The following FHDC1 variants were observed in gnomAD, a reference collection of about 807,000 sequenced individuals.
The protein encoded by FHDC1 is FH2 domain containing 1, also known as FH2 domain-containing protein 1.
Under a neutral mutation model 52.6 loss-of-function variants are expected in FHDC1, and 25 were observed. That is an observed-to-expected ratio of 0.48 (90% confidence interval 0.35 to 0.66). The LOEUF is 0.66. Among genes scored for constraint, FHDC1 ranks in the 30% least tolerant of loss-of-function variants. The pLI is 0.01. For missense variants in FHDC1, 1,459 were observed against 1,452.8 expected, an observed-to-expected ratio of 1.00 and a Z score of -0.07; for synonymous variants, 616 against 581.5, an observed-to-expected ratio of 1.06 and a Z score of -0.85.
At chr4:152,919,076 A>T in the FHDC1 span, among the ~76,000 whole-genome samples, 1 of 152,200 alleles carries the variant, frequency 6.6e-6, no homozygotes, top group Non-Finnish European at 1.5e-5. Flanking sequence ...CGTAAAGGTC[A>T]CTCAATGTTT....
the FHDC1 span, chr4:152,911,800 C>G: frequency 2.0e-5 from 3 of 152,528 alleles, no homozygotes; most frequent in South Asian, 4.2e-4. Flanking sequence ...ACTCAGAGAG[C>G]CTTATTTTAT....
At chr4:152,938,339 AACGCGTTGTCCTGGGT>A (rs1739464950) in intron 1 of FHDC1, among the ~76,000 whole-genome samples, 2 of 151,950 alleles carry the variant, frequency 1.3e-5, no homozygotes, top group African/African-American at 4.8e-5. Flanking sequence ...GCTTACTGGG[AACGCGTTGTCCTGGGT>A]TCTTTCACTA....
chr4:152,934,109 T>C (rs1028618921), upstream of FHDC1, among the ~76,000 whole-genome samples: 11 of 152,328 alleles, frequency 7.2e-5, no homozygotes, highest in Admixed American at 7.2e-4. Context: ...GTGCCTGATA[T>C]GTGGCCAACA....
At chr4:152,939,227 G>A (rs553604842) in intron 1 of FHDC1, among the ~76,000 whole-genome samples, 1 of 152,154 alleles carries the variant, frequency 6.6e-6, no homozygotes, top group South Asian at 2.1e-4. Flanking sequence ...CTACAGGCGC[G>A]CCACCACGCC....
At position 152,976,327 on chromosome 4, in the gene FHDC1, T is replaced by A. The variant is rs2149964308; in HGVS notation, c.3036T>A (p.Ser1012Arg). 6.2e-7 allele frequency: 1 copy of A among 1,612,366 alleles called. No individual in the cohort carries two copies. The highest frequency in any genetic ancestry group is 1.7e-4 in the Middle Eastern group (1 of 6,058). Residue 1012 changes from serine to arginine, a missense_variant, in exon 12 of 12, where the codon AGT becomes AGA. Physicochemically the swap from Ser to Arg is moderately radical, Grantham distance 110. Around this residue, in one of 3 missense-constraint regions of FHDC1, gnomAD observed 939 missense variants for 854.5 expected, o/e 1.10. Transcript: ENST00000511601. ...GCGCCCACTCCGAGGGCCCTGAGAG[T>A]CCCAAAGAAGAGCCCAAGACCCCGT... ...TCRAHSEGPE[S>R]PKEEPKTPSV...
intron 2 of FHDC1, among the ~76,000 whole-genome samples, chr4:152,950,817 G>A (rs534565368): frequency 9.9e-4 from 151 of 152,336 alleles, no homozygotes; most frequent in Non-Finnish European, 1.7e-3. Context: ...CGTCTCTATA[G>A]GAAGCTCAGT....
Position 152,974,723 on chromosome 4 carries a change from A to AAGG in FHDC1, c.1435_1437dup (p.Glu479dup), listed in dbSNP as rs1554042222. The AAGG allele has an allele frequency of 6.6e-7, 1 of 1,516,430 alleles. No homozygotes were observed. The highest frequency in any genetic ancestry group is 8.8e-7 in the Non-Finnish European group (1 of 1,132,352). 93.9% of individuals were successfully genotyped at this position (1,516,430 alleles called of 1,614,324 possible). ...GGAGCTGAGGCAGCTGCAGAGGCTG[A>AAGG]AGGAGCAGGAGCAGAAGCAGCGCTC... On this transcript the variant is annotated inframe_insertion, in exon 12 of 12. Transcript: ENST00000511601.
At chr4:152,972,781 C>T (rs964852689) in intron 11 of FHDC1, among the ~76,000 whole-genome samples, 2 of 152,222 alleles carry the variant, frequency 1.3e-5, no homozygotes, top group African/African-American at 4.8e-5. Context: ...TACTTTGGTG[C>T]ACAGGCTCCC....
At chr4:152,939,245 T>C (rs762225649) in intron 1 of FHDC1, among the ~76,000 whole-genome samples, 4 of 151,782 alleles carry the variant, frequency 2.6e-5, no homozygotes, top group Non-Finnish European at 5.9e-5. Flanking sequence ...GCCCAGCTAC[T>C]GTGTGTGTGT....
Position 152,976,860 on chromosome 4 carries a change from A to G in FHDC1, c.*137A>G, listed in dbSNP as rs1371124499. 19 of 1,197,414 alleles carry G rather than the reference A, an allele frequency of 1.6e-5. No homozygotes were observed. Among genetic ancestry groups the G allele is most frequent in the Non-Finnish European group, 2.1e-5 (19 of 888,098 alleles). The allele number at this position is 1,197,414 out of a possible 1,614,324, so 74.2% of individuals were successfully genotyped here. ...TGCCACTGCTAGTGACGCTGTTGGG[A>G]TGGCACAGTCCAGGAGGCCTGTGGA... On this transcript the variant is annotated 3_prime_UTR_variant, in exon 12 of 12. Transcript: ENST00000511601.
the FHDC1 span, among the ~76,000 whole-genome samples, chr4:152,923,249 C>G: frequency 5.1e-3 from 771 of 152,206 alleles, 4 homozygotes; most frequent in African/African-American, 0.017. Flanking sequence ...GAGTGAACTC[C>G]CATTCACAAT....
chr4:152,973,548 G>A (rs181347163), intron 11 of FHDC1, among the ~76,000 whole-genome samples: 1 of 152,336 alleles, frequency 6.6e-6, no homozygotes, highest in Admixed American at 6.5e-5. Flanking sequence ...GGCCACCTGT[G>A]TGATGCTCTC....
chr4:152,962,650 AG>A (rs1740313377), intron 6 of FHDC1, among the ~76,000 whole-genome samples, 163 bp from the exon 7 acceptor site: 1 of 152,236 alleles, frequency 6.6e-6, no homozygotes, highest in African/African-American at 2.4e-5. Context: ...ATGATGTGTT[AG>A]GTATCCCATA....
At position 152,943,155 on chromosome 4, in the gene FHDC1, C is replaced by T. The variant is rs1739622145; in HGVS notation, c.98C>T (p.Ala33Val). 6.2e-7 allele frequency: 1 copy of T among 1,613,178 alleles called. No homozygotes were observed. Among genetic ancestry groups the T allele is most frequent in the Non-Finnish European group, 8.5e-7 (1 of 1,179,576 alleles). ...ATGATTGGGCAGACACCTCCTCCAG[C>T]ACCTCCTCCACCTCCTCCTCCACCC... ...GFMIGQTPPP[A>V]PPPPPPPPPP... Residue 33 changes from alanine to valine, a missense_variant, in exon 2 of 12, where the codon GCA (alanine) becomes GTA (valine). By Grantham distance (64) the Ala-to-Val change is moderately conservative (BLOSUM62 0). Around this residue, in one of 3 missense-constraint regions of FHDC1, gnomAD observed 513 missense variants for 581.5 expected, o/e 0.88. Coordinates refer to ENST00000511601, the MANE Select transcript of FHDC1 (RefSeq NM_001371116.1).
chr4:152,943,114 C>G lies in FHDC1; in HGVS notation c.57C>G (p.Ala19=). Residue 19 remains alanine, a synonymous_variant, in exon 2 of 12, where the codon GCC becomes GCG. Transcript: ENST00000511601. ...LVSDKENGNI[A]TAPGFMIGQT... ...GTGATAAAGAAAATGGGAATATTGC[C>G]ACAGCACCTGGATTCATGATTGGGC... 1 of 1,614,020 alleles carries G rather than the reference C, an allele frequency of 6.2e-7. No individual in the cohort carries two copies. The highest frequency in any genetic ancestry group is 1.1e-5 in the South Asian group (1 of 91,056).
chr4:152,931,005 TC>T, the FHDC1 span, among the ~76,000 whole-genome samples: 1 of 107,714 alleles, frequency 9.3e-6, no homozygotes, highest in South Asian at 3.3e-4. Flanking sequence ...ACACTCTCTC[TC>T]TCTCTCTCTC....
intron 2 of FHDC1, among the ~76,000 whole-genome samples, 180 bp downstream of exon 2, chr4:152,943,735 G>A (rs1009489309): frequency 3.9e-5 from 6 of 152,162 alleles, no homozygotes; most frequent in Non-Finnish European, 8.8e-5. Context: ...TTGAGAAAGC[G>A]TAAGAAGTAT....
chr4:152,972,269 C>T, intron 10 of FHDC1, 108 bp from the exon 11 acceptor site: 2 of 1,163,546 alleles, frequency 1.7e-6, no homozygotes, highest in Non-Finnish European at 2.4e-6. Flanking sequence ...TTTCCAAGAC[C>T]TGAAATGAAA....
upstream of FHDC1, among the ~76,000 whole-genome samples, chr4:152,935,394 C>G (rs745960819): frequency 6.6e-6 from 1 of 152,098 alleles, no homozygotes; most frequent in Admixed American, 6.5e-5. Flanking sequence ...TTTCGGTCAG[C>G]CGGTTTGCCC....
Sources: gnomAD v4.1 joint callset for allele counts (sites outside exome capture counted in the v4.1 genomes callset) on GRCh38, gnomAD v4.1.1 for gene constraint, gnomAD v4.1.1 regional missense constraint, MANE v1.5 for transcripts, NCBI Gene and HGNC (gene_info 2026-07-23, HGNC 2026-07-21) for gene names.